Variants in RBPJL observed in about 807,000 individuals in gnomAD.
The protein encoded by RBPJL is recombination signal binding protein for immunoglobulin kappa J region like, also known as recombining binding protein suppressor of hairless-like protein.
In RBPJL, 50 loss-of-function variants were observed where a neutral mutation model predicts 57.6. That is an observed-to-expected ratio of 0.87 (90% CI 0.69 to 1.10). The LOEUF (loss-of-function observed/expected upper bound fraction) is 1.10, where lower values mean the gene tolerates loss of function less well. RBPJL is among the 50% of genes least tolerant of loss of function. The pLI, the probability that RBPJL is intolerant of heterozygous loss-of-function variation, is 0.00. For synonymous variants in RBPJL, 303 were observed against 294.4 expected (o/e 1.03, Z -0.30); for missense variants, 684 against 693.7 (o/e 0.99, Z 0.16).
Position 45,312,254 on chromosome 20 carries a change from G to T in RBPJL, c.478G>T (p.Asp160Tyr), listed in dbSNP as rs1273432092. The change falls in exon 6 of 12, where the codon GAT becomes TAT. Residue 160 changes from aspartate (D) to tyrosine (Y), a missense_variant. Physicochemically the swap from Asp to Tyr is radical, Grantham distance 160. Transcript: ENST00000343694. The part of the protein sequence containing the change: ...FGCAKTLYIS[D>Y]ADKRKHFRLV... ...CTGCGCCAAGACCCTGTACATCTCA[G>T]ATGCAGACAAGAGGAAGCACTTTCG... 6.2e-7 allele frequency: 1 copy of T among 1,614,272 alleles called. No individual in the cohort carries two copies. The highest frequency in any genetic ancestry group is 1.7e-5 in the Admixed American group (1 of 60,034).
Position 45,316,733 on chromosome 20 carries a change from G to A in RBPJL, c.1328G>A (p.Cys443Tyr). 3 of 1,612,928 alleles carry A rather than the reference G, an allele frequency of 1.9e-6. No individual in the cohort carries two copies. The highest frequency in any genetic ancestry group is 2.5e-6 in the Non-Finnish European group (3 of 1,179,512). The change falls in exon 12 of 12, where the codon TGC (cysteine) becomes TAC (tyrosine). Residue 443 changes from cysteine (C) to tyrosine (Y), a missense_variant. By Grantham distance (194) the Cys-to-Tyr change is radical (BLOSUM62 -2). Transcript: ENST00000343694. ...VCVVPDVAAF[C>Y]SDWRWLRAPI... ...GTGGTGCCGGACGTGGCGGCCTTCT[G>A]CAGCGACTGGCGCTGGCTGCGCGCT...
intron 2 of RBPJL, among the ~76,000 whole-genome samples, chr20:45,309,277 C>T (rs1489714830): frequency 6.6e-6 from 1 of 152,184 alleles, no homozygotes; most frequent in African/African-American, 2.4e-5. Context: ...CTCCAATGGG[C>T]ATGATGCCAG....
At position 45,313,516 on chromosome 20, in the gene RBPJL, C is replaced by A; in HGVS notation, c.668C>A (p.Ser223Tyr). The change falls in exon 7 of 12, where the codon TCT becomes TAT. Residue 223 changes from serine to tyrosine, a missense_variant. Coordinates refer to ENST00000343694, the MANE Select transcript of RBPJL (RefSeq NM_014276.4). ...SKVSLFNRLR[S>Y]QTVSTRYLSV... ...GTCTCCCTCTTCAACCGCCTGCGCT[C>A]TCAGACGGTCTCCACACGCTACCTC... 6.2e-7 allele frequency: 1 copy of A among 1,614,104 alleles called. No individual in the cohort carries two copies. Among genetic ancestry groups the A allele is most frequent in the Non-Finnish European group, 8.5e-7 (1 of 1,180,002 alleles).
rs1168592792 is a variant in RBPJL, at chr20:45,311,733, G to T, written c.328+74G>T. On this transcript the variant is annotated intron_variant, in intron 4 of 11. Coordinates refer to ENST00000343694, the MANE Select transcript of RBPJL (RefSeq NM_014276.4). Reference sequence around the variant, plus strand: ...CACGAGATTGGGCCCGAGACGGGGCGGTTCGCAGGCGCAGTCTCCCCGCGC... The same window carrying T: ...CACGAGATTGGGCCCGAGACGGGGCTGTTCGCAGGCGCAGTCTCCCCGCGC... 3 of 1,575,062 alleles carry T rather than the reference G, an allele frequency of 1.9e-6. No homozygotes were observed. In the Admixed American group the frequency reaches 5.2e-5, roughly 27 times the overall value.
At chr20:45,312,841 A>AG (rs1469186908) in intron 6 of RBPJL, among the ~76,000 whole-genome samples, 4 of 150,752 alleles carry the variant, frequency 2.7e-5, no homozygotes, top group African/African-American at 7.4e-5. Context: ...AAAAAAAAAA[A>AG]AAAAAGAAAA....
intron 9 of RBPJL, among the ~76,000 whole-genome samples, chr20:45,315,654 T>C (rs557959834): frequency 6.7e-6 from 1 of 150,076 alleles, no homozygotes; most frequent in Non-Finnish European, 1.5e-5. Flanking sequence ...GGCAGGAGAA[T>C]CATTTGAACC....
intron 11 of RBPJL, 35 bp downstream of exon 11, chr20:45,316,615 G>A: frequency 6.6e-7 from 1 of 1,515,774 alleles, no homozygotes; most frequent in Non-Finnish European, 8.9e-7. Context: ...CTTGGGCCCC[G>A]GGGAGCAGGG....
intron 8 of RBPJL, 66 bp from the exon 9 acceptor site, chr20:45,314,347 T>C (rs1304717692): frequency 7.1e-6 from 11 of 1,558,216 alleles, no homozygotes; most frequent in Non-Finnish European, 9.7e-6. Flanking sequence ...GACAGCCGGC[T>C]AGGAGGGCAG....
At chr20:45,313,695 T>G in intron 7 of RBPJL, 90 bp downstream of exon 7, 3 of 1,329,534 alleles carry the variant, frequency 2.3e-6, no homozygotes, top group Non-Finnish European at 3.0e-6. Flanking sequence ...AGGTAAACTC[T>G]GCCCCATGTG....
At chr20:45,316,632 G>C (rs1475541613) in intron 11 of RBPJL, 52 bp downstream of exon 11, 2 of 1,525,666 alleles carry the variant, frequency 1.3e-6, no homozygotes, top group Non-Finnish European at 1.8e-6. Flanking sequence ...AGGGGAAGGG[G>C]GTGCACGCGT....
chr20:45,313,701 A>G lies in RBPJL; in HGVS notation c.757+96A>G. ...CCTTAAGGAAGGTAAACTCTGCCCC[A>G]TGTGATTAAGGCTCAGAAACACAAA... On this transcript the variant is annotated intron_variant, in intron 7 of 11. Transcript: ENST00000343694. 3.1e-6 allele frequency: 4 copies of G among 1,308,388 alleles called. No individual in the cohort carries two copies. In the South Asian group the frequency reaches 6.1e-5, roughly 20 times the overall value. The allele number at this position is 1,308,388 out of a possible 1,614,324, so 81.0% of individuals were successfully genotyped here.
chr20:45,312,067 G>A, intron 5 of RBPJL, 113 bp downstream of exon 5: 9 of 1,438,512 alleles, frequency 6.3e-6, no homozygotes, highest in East Asian at 2.3e-5. Flanking sequence ...GAGACCGGGA[G>A]GCCGGGGTCC....
chr20:45,311,556 A>T, intron 3 of RBPJL, 33 bp from the exon 4 acceptor site: 3 of 1,608,252 alleles, frequency 1.9e-6, no homozygotes, highest in Non-Finnish European at 2.6e-6. Flanking sequence ...GTGGAGATGG[A>T]TGCACGACTC....
Position 45,314,112 on chromosome 20 carries a change from T to G in RBPJL, c.835T>G (p.Cys279Gly). ...CTATGGCTCCCTGGTGCAGCTCGTC[T>G]GCACGGTCACCGGCATCACACTACC... is the stretch of plus-strand genomic sequence containing the variant. ...VRYGSLVQLV[C>G]TVTGITLPPM... The change falls in exon 8 of 12, where the codon TGC (cysteine) becomes GGC (glycine). Residue 279 changes from cysteine (C) to glycine (G), a missense_variant. By Grantham distance (159) the Cys-to-Gly change is radical. Coordinates refer to ENST00000343694, the MANE Select transcript of RBPJL (RefSeq NM_014276.4). 6.2e-7 allele frequency: 1 copy of G among 1,614,218 alleles called. No individual in the cohort carries two copies. Among genetic ancestry groups the G allele is most frequent in the South Asian group, 1.1e-5 (1 of 91,088 alleles).
intron 9 of RBPJL, 110 bp downstream of exon 9, chr20:45,314,675 C>G (rs1720324170): frequency 1.0e-6 from 1 of 982,030 alleles, no homozygotes. Flanking sequence ...TGAGCAGCCT[C>G]CCATGGAACA....
At chr20:45,316,396 G>A in intron 10 of RBPJL, 54 bp downstream of exon 10, 2 of 1,604,240 alleles carry the variant, frequency 1.2e-6, no homozygotes, top group South Asian at 2.2e-5. Flanking sequence ...GCACTGGGCA[G>A]TGGTGGTGCT....
chr20:45,309,248 G>T (rs187037142), intron 2 of RBPJL, among the ~76,000 whole-genome samples: 2 of 152,160 alleles, frequency 1.3e-5, no homozygotes, highest in South Asian at 4.1e-4. Flanking sequence ...TCACAGCCAC[G>T]TGTCCCTATG....
rs527572841 is a variant in RBPJL at position 45,306,951 on chromosome 20, G to A, written c.22+7G>A. 1.0e-4 allele frequency: 125 copies of A among 1,253,336 alleles called. 2 individuals carry two copies. The South Asian group carries it at 4.2e-3, about 42-fold the overall frequency. The allele number at this position is 1,253,336 out of a possible 1,614,324, so 77.6% of individuals were successfully genotyped here. A position where few individuals can be genotyped will look rare whatever the true frequency, so the allele number is the denominator to read the frequency against. ...GACCCCGCAGGGGCAGCAGGTGAGC[G>A]CTTACCCTCCCGAGGCCCCGGAGAC... is the stretch of plus-strand genomic sequence containing the variant. On this transcript the variant is annotated splice_region_variant and intron_variant, in intron 1 of 11. Coordinates refer to ENST00000343694, the MANE Select transcript of RBPJL (RefSeq NM_014276.4).
chr20:45,308,320 C>A, intron 2 of RBPJL, 69 bp downstream of exon 2: 1 of 1,043,704 alleles, frequency 9.6e-7, no homozygotes, highest in Non-Finnish European at 1.5e-6. Context: ...GAGGCAACGG[C>A]CGCATTTAAC....
Sources: allele counts gnomAD v4.1 joint callset (sites outside exome capture counted in the v4.1 genomes callset), GRCh38; gene constraint gnomAD v4.1.1; transcripts MANE v1.5; gene names NCBI Gene and HGNC (gene_info 2026-07-23, HGNC 2026-07-21).